SLX4IP: variants seen among roughly 807,000 people sequenced by gnomAD.
SLX4IP encodes the protein protein SLX4IP.
A neutral mutation model predicts 32.9 loss-of-function variants in SLX4IP; 34 were observed. The ratio of observed to expected loss-of-function variants is 1.03; its 90% CI spans 0.79 to 1.38. The LOEUF (loss-of-function observed/expected upper bound fraction) is 1.38. Among genes scored for constraint, SLX4IP ranks in the 40% most tolerant of loss-of-function variants. The pLI, the probability that SLX4IP is intolerant of heterozygous loss-of-function variation, is 0.00. For synonymous variants in SLX4IP, 172 were observed against 171.7 expected (o/e 1.00, Z -0.01); for missense variants, 444 against 479.0 (o/e 0.93, Z 0.68).
intron 4 of SLX4IP, among the ~76,000 whole-genome samples, chr20:10,572,189 G>A (rs190129115): frequency 3.3e-4 from 50 of 152,300 alleles, no homozygotes; most frequent in African/African-American, 1.2e-3. Flanking sequence ...AGCCAGATTT[G>A]TGGTTCAAGT....
intron 2 of SLX4IP, among the ~76,000 whole-genome samples, chr20:10,551,913 G>C (rs757679404): frequency 1.3e-5 from 2 of 152,216 alleles, no homozygotes; most frequent in Non-Finnish European, 2.9e-5. Flanking sequence ...AGATTTCCCA[G>C]ATATGCATTG....
intron 2 of SLX4IP, among the ~76,000 whole-genome samples, chr20:10,462,315 T>G (rs141815956): frequency 8.1e-4 from 123 of 152,338 alleles, no homozygotes; most frequent in African/African-American, 2.9e-3. Context: ...GGATACAAAC[T>G]TCCTGTTTGA....
intron 4 of SLX4IP, among the ~76,000 whole-genome samples, chr20:10,592,622 CTTTTTTTTTTTTTT>C (rs33995611): frequency 4.7e-4 from 26 of 55,168 alleles, no homozygotes; most frequent in South Asian, 1.9e-3. Flanking sequence ...TATTCTTCAT[CTTTTTTTTTTTTTT>C]TTTTTTTTTT....
chr20:10,501,965 G>A (rs1421832921), intron 2 of SLX4IP, among the ~76,000 whole-genome samples: 2 of 152,162 alleles, frequency 1.3e-5, no homozygotes, highest in African/African-American at 2.4e-5. Context: ...CACACCGTTT[G>A]TCTTTAAATA....
At chr20:10,511,377 C>T (rs1203195522) in intron 2 of SLX4IP, among the ~76,000 whole-genome samples, 1 of 152,168 alleles carries the variant, frequency 6.6e-6, no homozygotes, top group Non-Finnish European at 1.5e-5. Flanking sequence ...TCACACTGCC[C>T]TAGGGATACT....
intron 2 of SLX4IP, among the ~76,000 whole-genome samples, chr20:10,500,310 G>A (rs1423430299): frequency 6.6e-6 from 1 of 151,780 alleles, no homozygotes; most frequent in African/African-American, 2.4e-5. Flanking sequence ...TGTATTTTTA[G>A]TAGAGACGAG....
At chr20:10,557,405 T>G (rs1484081860) in intron 3 of SLX4IP, among the ~76,000 whole-genome samples, 1 of 152,240 alleles carries the variant, frequency 6.6e-6, no homozygotes, top group East Asian at 1.9e-4. Context: ...CAAGGTTCTG[T>G]ATGGTGGGAT....
chr20:10,511,952 T>C (rs1252984336), intron 2 of SLX4IP, among the ~76,000 whole-genome samples: 1 of 152,250 alleles, frequency 6.6e-6, no homozygotes, highest in Non-Finnish European at 1.5e-5. Flanking sequence ...AGTAATTTGG[T>C]ATTTTTTTCT....
chr20:10,571,413 ACT>A (rs1323060005), intron 4 of SLX4IP, among the ~76,000 whole-genome samples: 1 of 151,176 alleles, frequency 6.6e-6, no homozygotes. Context: ...TCAGCTTGTC[ACT>A]CTCCCCTAAC....
At chr20:10,581,096 A>G (rs147959807) in intron 4 of SLX4IP, among the ~76,000 whole-genome samples, 1 of 152,216 alleles carries the variant, frequency 6.6e-6, no homozygotes, top group Non-Finnish European at 1.5e-5. Context: ...GCTGAGAAAC[A>G]GTGAGACTTG....
At chr20:10,539,709 A>C (rs1033828151) in intron 2 of SLX4IP, among the ~76,000 whole-genome samples, 20 of 152,190 alleles carry the variant, frequency 1.3e-4, no homozygotes, top group African/African-American at 4.8e-4. Flanking sequence ...CTCCAAATTT[A>C]AATAGTTGAA....
chr20:10,499,873 T>C (rs937172283), intron 2 of SLX4IP, among the ~76,000 whole-genome samples: 5 of 152,200 alleles, frequency 3.3e-5, no homozygotes, highest in Non-Finnish European at 7.4e-5. Context: ...ATCATGATAA[T>C]GACTGCTGTC....
At chr20:10,452,495 G>T (rs1296145590) in intron 1 of SLX4IP, among the ~76,000 whole-genome samples, 1 of 151,448 alleles carries the variant, frequency 6.6e-6, no homozygotes, top group Non-Finnish European at 1.5e-5. Context: ...ATGAAACTCT[G>T]TCTCTACTAA....
At chr20:10,498,896 A>G (rs866597495) in intron 2 of SLX4IP, among the ~76,000 whole-genome samples, 2 of 152,040 alleles carry the variant, frequency 1.3e-5, no homozygotes, top group African/African-American at 4.8e-5. Flanking sequence ...GGTTAGAACA[A>G]TAGCGATTCT....
chr20:10,600,970 T>C (rs1411530496), intron 5 of SLX4IP, among the ~76,000 whole-genome samples: 1 of 152,072 alleles, frequency 6.6e-6, no homozygotes, highest in African/African-American at 2.4e-5. Flanking sequence ...GGCGAACAAA[T>C]GGATGGATGG....
intron 4 of SLX4IP, among the ~76,000 whole-genome samples, chr20:10,590,913 C>T (rs1195506955): frequency 1.3e-5 from 2 of 152,160 alleles, no homozygotes; most frequent in Admixed American, 6.5e-5. Flanking sequence ...TATAAAGCTA[C>T]GTTGGCTCTC....
intron 2 of SLX4IP, among the ~76,000 whole-genome samples, chr20:10,533,318 C>T (rs933299882): frequency 1.3e-5 from 2 of 151,798 alleles, no homozygotes; most frequent in African/African-American, 4.8e-5. Context: ...TGTTGTTGTT[C>T]TTGAAACAGA....
chr20:10,514,577 A>C (rs528908232), intron 2 of SLX4IP, among the ~76,000 whole-genome samples: 1 of 152,330 alleles, frequency 6.6e-6, no homozygotes, highest in African/African-American at 2.4e-5. Flanking sequence ...TAATAACTGT[A>C]CTAATAATTA....
At chr20:10,572,484 C>T (rs1404450600) in intron 4 of SLX4IP, among the ~76,000 whole-genome samples, 1 of 152,134 alleles carries the variant, frequency 6.6e-6, no homozygotes, top group East Asian at 1.9e-4. Context: ...AATAGACCCC[C>T]AAACAGAGCT....
Sources: allele counts gnomAD v4.1 joint callset (sites outside exome capture counted in the v4.1 genomes callset), GRCh38; gene constraint gnomAD v4.1.1; transcripts MANE v1.5; gene names NCBI Gene and HGNC (gene_info 2026-07-23, HGNC 2026-07-21).